Variants in CBX1 observed in about 807,000 individuals in gnomAD.
CBX1 encodes the protein chromobox 1.
In CBX1, 10 loss-of-function variants were observed where a neutral mutation model predicts 25.1. That is an observed-to-expected ratio of 0.40 (90% CI 0.25 to 0.68). CBX1 has a LOEUF of 0.68. Among genes scored for constraint, CBX1 ranks in the 30% least tolerant of loss-of-function variants. CBX1 has a pLI of 0.40. For synonymous variants in CBX1, 63 were observed against 79.4 expected, an observed-to-expected ratio of 0.79 and a Z score of 1.10; for missense variants, 106 against 218.5, an observed-to-expected ratio of 0.49 and a Z score of 3.25.
chr17:48,096,891 G>A (rs551406579), intron 1 of CBX1, among the ~76,000 whole-genome samples: 8 of 152,056 alleles, frequency 5.3e-5, no homozygotes, highest in Non-Finnish European at 1.0e-4. Flanking sequence ...CCAGGAGTTC[G>A]AAACTAGCCT....
intron 4 of CBX1, among the ~76,000 whole-genome samples, chr17:48,072,673 C>T (rs2037636170): frequency 6.6e-6 from 1 of 151,904 alleles, no homozygotes; most frequent in Non-Finnish European, 1.5e-5. Flanking sequence ...GTCCCAGCTA[C>T]TTGGGAGGCT....
intron 1 of CBX1, among the ~76,000 whole-genome samples, chr17:48,094,716 G>C (rs1034673202): frequency 6.9e-6 from 1 of 145,962 alleles, no homozygotes; most frequent in Non-Finnish European, 1.5e-5. Context: ...CCTGGGTGAC[G>C]GACCAAGACT....
In CBX1 at chr17:48,076,245, G is replaced by A. The variant is rs140914068; in HGVS notation, c.141-67C>T. On this transcript the variant is annotated intron_variant, in intron 2 of 4. Transcript: ENST00000225603. ...AAGTATACTCATACTAAGGATAATC[G>A]TAAGAGGACAAGACCTCAGATGTCT... 405 of 1,254,518 alleles carry A rather than the reference G, an allele frequency of 3.2e-4. 2 individuals carry two copies. In the East Asian group the frequency reaches 9.0e-3, roughly 28 times the overall value. 77.7% of individuals were successfully genotyped at this position (1,254,518 alleles called of 1,614,324 possible).
At chr17:48,082,781 G>A (rs1003458878) in intron 1 of CBX1, among the ~76,000 whole-genome samples, 1 of 149,168 alleles carries the variant, frequency 6.7e-6, no homozygotes, top group Admixed American at 6.6e-5. Context: ...CAAGTAATCC[G>A]CCCACCTCAG....
chr17:48,094,380 A>G (rs994402669), intron 1 of CBX1, among the ~76,000 whole-genome samples: 3 of 147,426 alleles, frequency 2.0e-5, no homozygotes, highest in African/African-American at 7.5e-5. Context: ...GCTGCAGTGA[A>G]CCAAGATTGT....
intron 4 of CBX1, among the ~76,000 whole-genome samples, chr17:48,073,688 G>A (rs1170638493): frequency 2.6e-5 from 4 of 151,978 alleles, no homozygotes; most frequent in Non-Finnish European, 4.4e-5. Context: ...TCAGCCAGGC[G>A]TGGTAGCACA....
Position 48,076,936 on chromosome 17 carries a change from C to G in CBX1, c.69G>C (p.Val23=). 6.2e-7 allele frequency: 1 copy of G among 1,613,724 alleles called. No homozygotes were observed. The highest frequency in any genetic ancestry group is 2.2e-5 in the East Asian group (1 of 44,862). ...VLEEEEEEYV[V]EKVLDRRVVK... is the part of the protein sequence containing the mutation. ...CCACTCGACGGTCGAGAACTTTTTC[C>G]ACCACATATTCCTCTTCCTCCTCTT... The change falls in exon 2 of 5, where the codon GTG becomes GTC. Residue 23 remains valine (V), a synonymous_variant. Coordinates refer to ENST00000225603, the MANE Select transcript of CBX1 (RefSeq NM_001127228.2).
intron 4 of CBX1, among the ~76,000 whole-genome samples, chr17:48,071,880 T>C (rs1267459364): frequency 1.3e-5 from 2 of 150,528 alleles, no homozygotes; most frequent in Non-Finnish European, 3.0e-5. Flanking sequence ...CTCTAGATTC[T>C]CTGAGGGAAG....
At chr17:48,101,207 CCCG>C (rs904648013) in intron 1 of CBX1, 58 bp downstream of exon 1, 205 of 958,630 alleles carry the variant, frequency 2.1e-4, no homozygotes, top group Middle Eastern at 5.3e-4. Flanking sequence ...ACGCAGGGCT[CCCG>C]CCGCCGCCGC....
At chr17:48,089,620 TTGATAC>T (rs1426737398) in intron 1 of CBX1, among the ~76,000 whole-genome samples, 38 of 126,398 alleles carry the variant, frequency 3.0e-4, no homozygotes, top group Middle Eastern at 4.2e-3. Flanking sequence ...GGTCAAGAGT[TTGATAC>T]CAGCTTGACC....
intron 1 of CBX1, among the ~76,000 whole-genome samples, chr17:48,091,290 C>T (rs1190410280): frequency 1.3e-5 from 2 of 152,066 alleles, no homozygotes; most frequent in East Asian, 3.8e-4. Flanking sequence ...TTTTACCATT[C>T]CATTTTCTTT....
At chr17:48,100,670 GT>G (rs2063403893) in intron 1 of CBX1, 1 of 954,392 alleles carries the variant, frequency 1.0e-6, no homozygotes, top group East Asian at 1.1e-4. Context: ...CCCTTCCAGA[GT>G]CAGGCCCAGC....
At chr17:48,098,573 T>C (rs765022248) in intron 1 of CBX1, among the ~76,000 whole-genome samples, 5 of 152,074 alleles carry the variant, frequency 3.3e-5, no homozygotes, top group Admixed American at 3.3e-4. Flanking sequence ...TCTCGGCTCA[T>C]GGCAACCTCT....
intron 1 of CBX1, among the ~76,000 whole-genome samples, chr17:48,080,981 TATATATATATATAA>T (rs1255923195): frequency 0.015 from 963 of 64,648 alleles, 39 homozygotes; most frequent in African/African-American, 0.068. Context: ...TATATATATA[TATATATATATATAA>T]AATTTGTCTT....
chr17:48,090,808 G>A (rs1276318166), intron 1 of CBX1, among the ~76,000 whole-genome samples: 1 of 152,148 alleles, frequency 6.6e-6, no homozygotes, highest in African/African-American at 2.4e-5. Flanking sequence ...TGCTCCTATT[G>A]TATTCATTCA....
intron 3 of CBX1, 125 bp downstream of exon 3, chr17:48,075,876 T>C (rs2037670258): frequency 3.0e-6 from 2 of 664,484 alleles, no homozygotes; most frequent in Non-Finnish European, 5.0e-6. Context: ...TTTGTAGGCA[T>C]TAGCCTACCT....
At chr17:48,077,088 T>C in intron 1 of CBX1, 47 bp from the exon 2 acceptor site, 1 of 1,440,634 alleles carries the variant, frequency 6.9e-7, no homozygotes, top group Non-Finnish European at 9.4e-7. Context: ...GCACTCTTAT[T>C]GGTTAGATAA....
In CBX1 at chr17:48,074,975, A is replaced by C. The variant is rs370438781; in HGVS notation, c.413+31T>G. 2.7e-6 allele frequency: 4 copies of C among 1,494,730 alleles called. No individual in the cohort carries two copies. The African/African-American group carries it at 5.5e-5, about 21-fold the overall frequency. The allele number at this position is 1,494,730 out of a possible 1,614,324, so 92.6% of individuals were successfully genotyped here. A position where few individuals can be genotyped will look rare whatever the true frequency, so the allele number is the denominator to read the frequency against. On this transcript the variant is annotated intron_variant, in intron 4 of 4. Coordinates refer to ENST00000225603, the MANE Select transcript of CBX1 (RefSeq NM_001127228.2). ...ATGAAACCAATGGGAGAAGAAAAAAAACAACCACACAGAGCCACTGGCCGA... is the reference window on the plus strand; with the variant it reads ...ATGAAACCAATGGGAGAAGAAAAAACACAACCACACAGAGCCACTGGCCGA...
intron 1 of CBX1, among the ~76,000 whole-genome samples, chr17:48,098,029 T>C (rs1168586563): frequency 6.6e-6 from 1 of 152,212 alleles, no homozygotes; most frequent in Admixed American, 6.5e-5. Flanking sequence ...ATACCTTTTC[T>C]ATATTTAGTA....
Sources: allele counts gnomAD v4.1 joint callset (sites outside exome capture counted in the v4.1 genomes callset), GRCh38; gene constraint gnomAD v4.1.1; transcripts MANE v1.5; gene names NCBI Gene and HGNC (gene_info 2026-07-23, HGNC 2026-07-21).